Variants in ACSF2 observed in about 807,000 individuals in gnomAD.
ACSF2 encodes acyl-CoA synthetase family member 2.
Under a neutral mutation model 79.3 loss-of-function variants are expected in ACSF2, and 52 were observed. That is an observed-to-expected ratio of 0.66 (90% CI 0.53 to 0.83). The LOEUF (loss-of-function observed/expected upper bound fraction) is 0.83. Ranked by LOEUF, ACSF2 falls within the 40% of genes least tolerant of loss-of-function variation. ACSF2 has a pLI of 0.00. For missense variants in ACSF2, 661 were observed against 803.3 expected (o/e 0.82, Z 2.14); for synonymous variants, 283 against 312.6 (o/e 0.91, Z 1.00).
chr17:50,462,393 G>A, intron 5 of ACSF2, 27 bp from the exon 6 acceptor site: 8 of 1,608,728 alleles, frequency 5.0e-6, no homozygotes, highest in Non-Finnish European at 6.8e-6. Context: ...CTCAGCCCCT[G>A]TCTCTCACCA....
chr17:50,463,148 CT>C lies in ACSF2; in HGVS notation c.793-6del, dbSNP rs1433415439. On this transcript the variant is annotated splice_polypyrimidine_tract_variant and splice_region_variant and intron_variant, in intron 6 of 15. Coordinates refer to ENST00000300441, the MANE Select transcript of ACSF2 (RefSeq NM_025149.6). The surrounding 1 kb of genome is among the most constrained non-coding windows in gnomAD (Gnocchi z 4.6). ...GGAGGCCAAGCCATGCCCTGTTTGC[CT>C]TGTCAGGGGACAACAGGCAGCCCCA... 1 of 1,613,050 alleles carries C rather than the reference CT, an allele frequency of 6.2e-7. No individual in the cohort carries two copies. Among genetic ancestry groups the C allele is most frequent in the Admixed American group, 1.7e-5 (1 of 59,964 alleles).
chr17:50,436,097 T>TTTG (rs143622318), intron 1 of ACSF2, among the ~76,000 whole-genome samples: 7 of 152,016 alleles, frequency 4.6e-5, no homozygotes, highest in South Asian at 2.1e-4. Context: ...AGAGTTCATT[T>TTTG]TTGTTGTTGT....
intron 1 of ACSF2, among the ~76,000 whole-genome samples, chr17:50,437,599 T>C (rs1157251158): frequency 6.6e-6 from 1 of 151,380 alleles, no homozygotes; most frequent in Non-Finnish European, 1.5e-5. Context: ...CAGGCTGCAG[T>C]GGGCCGTGAT....
chr17:50,463,724 C>G lies in ACSF2; in HGVS notation c.1047-94C>G. On this transcript the variant is annotated intron_variant, in intron 8 of 15. Coordinates refer to ENST00000300441, the MANE Select transcript of ACSF2 (RefSeq NM_025149.6). This position sits in a 1 kb window ranked among gnomAD's most constrained non-coding sequence, Gnocchi z 4.6. The stretch of plus-strand genomic sequence containing the variant: ...TTCCTGCCTCAGGAGCTTCTCCTGC[C>G]TATTCCCTTTGCTGCAGTTTCATGG... 1 of 1,491,186 alleles carries G rather than the reference C, an allele frequency of 6.7e-7. No homozygotes were observed. The highest frequency in any genetic ancestry group is 1.2e-5 in the South Asian group (1 of 83,938). 92.4% of individuals were successfully genotyped at this position (1,491,186 alleles called of 1,614,324 possible).
At chr17:50,442,210 C>T (rs572129381) in intron 1 of ACSF2, among the ~76,000 whole-genome samples, 1 of 152,026 alleles carries the variant, frequency 6.6e-6, no homozygotes, top group South Asian at 2.1e-4. Flanking sequence ...GAGGCTAAGG[C>T]AGGAGAATCG....
At chr17:50,428,325 C>A (rs528592542) in intron 1 of ACSF2, among the ~76,000 whole-genome samples, 1 of 151,736 alleles carries the variant, frequency 6.6e-6, no homozygotes, top group African/African-American at 2.4e-5. Flanking sequence ...ACTAAAAATA[C>A]AAAAATCAGC....
At chr17:50,444,733 C>T (rs75832896) in intron 1 of ACSF2, among the ~76,000 whole-genome samples, 1 of 152,018 alleles carries the variant, frequency 6.6e-6, no homozygotes, top group East Asian at 1.9e-4. Flanking sequence ...CTTTGCTTAT[C>T]TCGTGGGGAA....
rs868634497 is a variant in ACSF2 at position 50,474,112 on chromosome 17, C to A, written c.1729-87C>A. On this transcript the variant is annotated intron_variant, in intron 14 of 15. Coordinates refer to ENST00000300441, the MANE Select transcript of ACSF2 (RefSeq NM_025149.6). This position sits in a 1 kb window ranked among gnomAD's most constrained non-coding sequence, Gnocchi z 4.2. ...TGCTCTGCCCTTGACGAAGCTGACT[C>A]CTGGCCAGGCCAGCCCCTGGTCCCC... 23 of 1,594,232 alleles carry A rather than the reference C, an allele frequency of 1.4e-5. No individual in the cohort carries two copies. Among genetic ancestry groups the A allele is most frequent in the Middle Eastern group, 1.7e-4 (1 of 6,028 alleles).
At chr17:50,464,772 G>GT (rs1026070446) in intron 10 of ACSF2, 3 of 329,874 alleles carry the variant, frequency 9.1e-6, no homozygotes, top group African/African-American at 5.2e-5. Context: ...ATTGACTTGG[G>GT]GGGGGGGTCT....
chr17:50,426,326 G>T lies in ACSF2; in HGVS notation c.65G>T (p.Gly22Val). The T allele has an allele frequency of 7.0e-7, 1 of 1,419,756 alleles. No individual in the cohort carries two copies. The highest frequency in any genetic ancestry group is 2.8e-5 in the East Asian group (1 of 35,546). 87.9% of individuals were successfully genotyped at this position (1,419,756 alleles called of 1,614,324 possible). A position where few individuals can be genotyped will look rare whatever the true frequency, so the allele number is the denominator to read the frequency against. Reference sequence around the variant, plus strand: ...TGCGCCGGGAGCTCGGGGGTGCTGGGGGCCCGGGCCGCCCTCTCTCGGAGT... The same window carrying T: ...TGCGCCGGGAGCTCGGGGGTGCTGGTGGCCCGGGCCGCCCTCTCTCGGAGT... ...RLCAGSSGVL[G>V]ARAALSRSWQ... The change falls in exon 1 of 16, where the codon GGG (glycine) becomes GTG (valine). Residue 22 changes from glycine (G) to valine (V), a missense_variant. Gly to Val is a moderately radical substitution (Grantham distance 109). Transcript: ENST00000300441.
chr17:50,464,109 G>A (rs911650281), intron 9 of ACSF2, 109 bp from the exon 10 acceptor site: 21 of 1,350,528 alleles, frequency 1.6e-5, no homozygotes, highest in Admixed American at 1.2e-4. Flanking sequence ...GGAAAGGCTC[G>A]GGGTCAGAGG....
At chr17:50,462,357 C>T in intron 5 of ACSF2, 55 bp downstream of exon 5, 1 of 1,611,800 alleles carries the variant, frequency 6.2e-7, no homozygotes, top group Admixed American at 1.7e-5. Flanking sequence ...CTGATTCCTT[C>T]ACTTCCTACC....
chr17:50,426,492 T>A (rs1733373400), intron 1 of ACSF2, 103 bp downstream of exon 1: 2 of 1,230,858 alleles, frequency 1.6e-6, no homozygotes, highest in Non-Finnish European at 2.1e-6. Context: ...ACGAGTGCAC[T>A]GGGGGGAAGG....
intron 1 of ACSF2, among the ~76,000 whole-genome samples, chr17:50,448,277 T>G (rs1391436909): frequency 1.3e-5 from 2 of 152,224 alleles, no homozygotes; most frequent in Non-Finnish European, 2.9e-5. Context: ...AAAGGTATAG[T>G]CAAAATACAA....
At chr17:50,444,178 T>C (rs1485681900) in intron 1 of ACSF2, among the ~76,000 whole-genome samples, 1 of 152,198 alleles carries the variant, frequency 6.6e-6, no homozygotes, top group Non-Finnish European at 1.5e-5. Context: ...TTTATATCTA[T>C]ATATAATTTT....
chr17:50,465,303 G>A lies in ACSF2; in HGVS notation c.1215+1009G>A, dbSNP rs760238803. 1.9e-6 allele frequency: 3 copies of A among 1,614,116 alleles called. No homozygotes were observed. The Admixed American group carries it at 5.0e-5, about 27-fold the overall frequency. On this transcript the variant is annotated intron_variant, in intron 10 of 15. Coordinates refer to ENST00000300441, the MANE Select transcript of ACSF2 (RefSeq NM_025149.6). Reference sequence around the variant, plus strand: ...TTTACCTGGCCCCCACCTGTTTAATGGCGGCCAGCTTTCTTGGACCTCTTG... The same window carrying A: ...TTTACCTGGCCCCCACCTGTTTAATAGCGGCCAGCTTTCTTGGACCTCTTG...
intron 10 of ACSF2, chr17:50,468,865 G>A: frequency 6.9e-7 from 1 of 1,447,298 alleles, no homozygotes; most frequent in Non-Finnish European, 9.0e-7. Context: ...GCGGGGCGCG[G>A]GCAGCGGCGA....
intron 1 of ACSF2, among the ~76,000 whole-genome samples, chr17:50,433,185 TA>T (rs1381048954): frequency 1.3e-5 from 2 of 151,732 alleles, no homozygotes; most frequent in Non-Finnish European, 2.9e-5. Flanking sequence ...GGGCTCACTG[TA>T]ACCTCCGCCT....
At position 50,434,265 on chromosome 17, in the gene ACSF2, G is replaced by T. The variant is rs1187158106; in HGVS notation, c.128+7876G>T. On this transcript the variant is annotated intron_variant, in intron 1 of 15. Coordinates refer to ENST00000300441, the MANE Select transcript of ACSF2 (RefSeq NM_025149.6). Reference sequence around the variant, plus strand: ...GCCCAGGAAGTCGAGGCTGCAGTGAGCCGTGATCATGCCACCACACTCTAG... The same window carrying T: ...GCCCAGGAAGTCGAGGCTGCAGTGATCCGTGATCATGCCACCACACTCTAG... 4.0e-5 allele frequency among the ~76,000 whole-genome samples: 6 copies of T among 151,706 alleles called. 1 individual carries two copies. The highest frequency in any genetic ancestry group is 7.4e-5 in the Non-Finnish European group (5 of 67,928).
Sources: gnomAD v4.1 joint callset for allele counts (sites outside exome capture counted in the v4.1 genomes callset) on GRCh38, gnomAD v4.1.1 for gene constraint, Gnocchi (gnomAD v3.1) non-coding constraint, MANE v1.5 for transcripts, NCBI Gene and HGNC (gene_info 2026-07-23, HGNC 2026-07-21) for gene names.